The following RAB27A variants were observed in gnomAD, a reference collection of about 807,000 sequenced individuals.
RAB27A encodes RAB27A, member RAS oncogene family.
RAB27A carries 17 observed loss-of-function variants against 20.8 expected under a neutral mutation model. That is an observed-to-expected ratio of 0.82 (90% CI 0.56 to 1.23). The LOEUF is 1.23. RAB27A is among the 50% of genes most tolerant of loss of function. The pLI is 0.00. For synonymous variants in RAB27A, 85 were observed against 92.8 expected, an observed-to-expected ratio of 0.92 and a Z score of 0.48; for missense variants, 277 against 266.7, an observed-to-expected ratio of 1.04 and a Z score of -0.27.
intron 2 of RAB27A, among the ~76,000 whole-genome samples, chr15:55,240,156 CA>C (rs1451951903): frequency 1.3e-5 from 2 of 152,026 alleles, no homozygotes; most frequent in South Asian, 4.1e-4. Flanking sequence ...GCCTGTTTTC[CA>C]GAAAGAAAAT....
intron 6 of RAB27A, among the ~76,000 whole-genome samples, chr15:55,222,583 A>G (rs1290775226): frequency 6.6e-6 from 1 of 152,178 alleles, no homozygotes; most frequent in Non-Finnish European, 1.5e-5. Flanking sequence ...AAACCCCTCC[A>G]GAGTCTGGCT....
chr15:55,269,003 T>C (rs1458962753), intron 2 of RAB27A, among the ~76,000 whole-genome samples: 3 of 152,128 alleles, frequency 2.0e-5, no homozygotes, highest in Admixed American at 2.0e-4. Flanking sequence ...GAGGATGGCA[T>C]GAAGAGACAT....
chr15:55,261,188 G>C (rs2141067388), intron 2 of RAB27A, among the ~76,000 whole-genome samples: 1 of 152,036 alleles, frequency 6.6e-6, no homozygotes, highest in African/African-American at 2.4e-5. Flanking sequence ...CACGAGGTCA[G>C]GAGTTCAAAA....
chr15:55,290,693 G>A (rs140702846), upstream of RAB27A, among the ~76,000 whole-genome samples: 1 of 152,244 alleles, frequency 6.6e-6, no homozygotes, highest in Admixed American at 6.5e-5. Flanking sequence ...CTGGGACTGC[G>A]TAGGGGGTCA....
chr15:55,216,428 G>A (rs534849139), intron 6 of RAB27A, among the ~76,000 whole-genome samples: 1 of 152,050 alleles, frequency 6.6e-6, no homozygotes, highest in South Asian at 2.1e-4. Context: ...AGCTACTAGG[G>A]AGGCTGAGAC....
chr15:55,274,638 C>T (rs1001412891), intron 1 of RAB27A, among the ~76,000 whole-genome samples: 2 of 150,734 alleles, frequency 1.3e-5, no homozygotes, highest in African/African-American at 2.4e-5. Flanking sequence ...ATTAGCCAGG[C>T]GTGGTGGCAG....
intron 1 of RAB27A, among the ~76,000 whole-genome samples, chr15:55,283,213 A>G (rs748136092): frequency 1.6e-4 from 24 of 152,294 alleles, no homozygotes; most frequent in African/African-American, 3.4e-4. Context: ...ACTAAATGCC[A>G]GGAGTAACTC....
rs150504846 is a variant in RAB27A at position 55,252,503 on chromosome 15, G to A, written c.-22-17547C>T. On this transcript the variant is annotated intron_variant, in intron 2 of 6. Coordinates refer to ENST00000336787, the MANE Select transcript of RAB27A (RefSeq NM_183235.3). ...TGTAATCCTAGCTACTCTGAAGGCT[G>A]AGGCACGAGAATGGCTTGAACCTGG... is the stretch of plus-strand genomic sequence containing the variant. Among the ~76,000 whole-genome samples the A allele has an allele frequency of 8.4e-3, 1,278 of 152,238 alleles. 18 individuals are homozygous for A. The highest frequency in any genetic ancestry group is 0.027 in the African/African-American group (1,121 of 41,530).
At chr15:55,255,152 C>A (rs149732647) in intron 2 of RAB27A, among the ~76,000 whole-genome samples, 2 of 152,132 alleles carry the variant, frequency 1.3e-5, no homozygotes, top group Non-Finnish European at 2.9e-5. Flanking sequence ...GTTGTTTCAA[C>A]GGCAACATCC....
intron 2 of RAB27A, among the ~76,000 whole-genome samples, chr15:55,267,801 G>T (rs183248484): frequency 6.6e-6 from 1 of 152,172 alleles, no homozygotes; most frequent in African/African-American, 2.4e-5. Flanking sequence ...CTCAGGTACC[G>T]AGGGTCCAGA....
intron 2 of RAB27A, among the ~76,000 whole-genome samples, chr15:55,250,849 G>A (rs1298933581): frequency 6.6e-6 from 1 of 152,184 alleles, no homozygotes; most frequent in Non-Finnish European, 1.5e-5. Context: ...GGCCCAGCTG[G>A]TTGCAAACTT....
intron 2 of RAB27A, among the ~76,000 whole-genome samples, chr15:55,266,458 G>A (rs1010651931): frequency 6.6e-6 from 1 of 152,128 alleles, no homozygotes; most frequent in South Asian, 2.1e-4. Context: ...AAGAAGAAGT[G>A]ATTAATTTGA....
intron 2 of RAB27A, among the ~76,000 whole-genome samples, chr15:55,236,082 G>A (rs1896245376): frequency 6.6e-6 from 1 of 151,620 alleles, no homozygotes; most frequent in Admixed American, 6.6e-5. Flanking sequence ...TGGGTGATGG[G>A]TGCACCAAAA....
intron 6 of RAB27A, among the ~76,000 whole-genome samples, chr15:55,211,808 CTA>C (rs1360552686): frequency 1.3e-5 from 2 of 152,112 alleles, no homozygotes; most frequent in Non-Finnish European, 2.9e-5. Flanking sequence ...ATATACTATA[CTA>C]TGTCTTGTAA....
chr15:55,283,089 G>C (rs1186346757), intron 1 of RAB27A, among the ~76,000 whole-genome samples: 1 of 152,150 alleles, frequency 6.6e-6, no homozygotes, highest in Non-Finnish European at 1.5e-5. Context: ...TGAATGAGTT[G>C]TCTAATGCAG....
intron 1 of RAB27A, chr15:55,317,653 T>G: frequency 2.5e-6 from 1 of 398,588 alleles, no homozygotes; most frequent in Non-Finnish European, 4.4e-6. Flanking sequence ...TTCTGATTCT[T>G]GTACCAACTG....
chr15:55,230,531 A>C, intron 3 of RAB27A, 45 bp from the exon 4 acceptor site: 1 of 1,485,394 alleles, frequency 6.7e-7, no homozygotes, highest in Non-Finnish European at 9.4e-7. Context: ...AACTTCTAAC[A>C]CCAGCGAACC....
At chr15:55,283,592 T>G (rs1267930934) in intron 1 of RAB27A, among the ~76,000 whole-genome samples, 1 of 152,176 alleles carries the variant, frequency 6.6e-6, no homozygotes, top group African/African-American at 2.4e-5. Flanking sequence ...GACTTATCTT[T>G]TCAAGGACTG....
At chr15:55,316,532 A>C (rs1158554586) in intron 1 of RAB27A, among the ~76,000 whole-genome samples, 1 of 151,976 alleles carries the variant, frequency 6.6e-6, no homozygotes, top group Admixed American at 6.6e-5. Flanking sequence ...ACACCATGGC[A>C]CATGTATATC....
Sources: allele counts gnomAD v4.1 joint callset (sites outside exome capture counted in the v4.1 genomes callset), GRCh38; gene constraint gnomAD v4.1.1; transcripts MANE v1.5; gene names NCBI Gene and HGNC (gene_info 2026-07-23, HGNC 2026-07-21).